The following IFT74 variants were observed in gnomAD, a reference collection of about 807,000 sequenced individuals.
The protein encoded by IFT74 is intraflagellar transport 74.
A neutral mutation model predicts 96.7 loss-of-function variants in IFT74; 92 were observed. The ratio of observed to expected loss-of-function variants is 0.95; its 90% CI spans 0.80 to 1.13. The LOEUF (loss-of-function observed/expected upper bound fraction) is 1.13. Among genes scored for constraint, IFT74 ranks in the 50% most tolerant of loss-of-function variants. IFT74 has a pLI of 0.00. For synonymous variants in IFT74, 223 were observed against 213.2 expected, an observed-to-expected ratio of 1.05 and a Z score of -0.40; for missense variants, 811 against 698.2, an observed-to-expected ratio of 1.16 and a Z score of -1.82.
intron 2 of IFT74, among the ~76,000 whole-genome samples, chr9:26,963,904 T>G (rs1397410848): frequency 6.6e-6 from 1 of 152,126 alleles, no homozygotes; most frequent in Non-Finnish European, 1.5e-5. Context: ...GTTCTCCCAT[T>G]TTGTAGGTTG....
chr9:27,055,713 G>A lies in IFT74; in HGVS notation c.1438G>A (p.Asp480Asn), dbSNP rs1427973908. 2 of 1,588,348 alleles carry A rather than the reference G, an allele frequency of 1.3e-6. No individual in the cohort carries two copies. Among genetic ancestry groups the A allele is most frequent in the South Asian group, 1.2e-5 (1 of 85,778 alleles). Residue 480 changes from aspartate to asparagine, a missense_variant, in exon 17 of 20, where the codon GAT becomes AAT. By Grantham distance (23) the Asp-to-Asn change is conservative. Coordinates refer to ENST00000380062, the MANE Select transcript of IFT74 (RefSeq NM_025103.4). ...AAGCAAAATTAAGCAAATGACAACTGATCTGGAGATATATAATGATTTGCC... is the reference window on the plus strand; with the variant it reads ...AAGCAAAATTAAGCAAATGACAACTAATCTGGAGATATATAATGATTTGCC... The part of the protein sequence containing the change: ...LKSKIKQMTT[D>N]LEIYNDLPAL...
intron 12 of IFT74, among the ~76,000 whole-genome samples, chr9:27,021,438 A>G (rs1327558837): frequency 6.6e-6 from 1 of 152,160 alleles, no homozygotes; most frequent in African/African-American, 2.4e-5. Context: ...GTACTACTTT[A>G]TATTTCCACA....
intron 8 of IFT74, among the ~76,000 whole-genome samples, chr9:27,007,303 T>A (rs1319768902): frequency 6.6e-6 from 1 of 152,214 alleles, no homozygotes; most frequent in East Asian, 1.9e-4. Flanking sequence ...AATGGAATAC[T>A]TTATAACATT....
chr9:26,983,182 C>T (rs182044021), intron 4 of IFT74, among the ~76,000 whole-genome samples: 1 of 152,194 alleles, frequency 6.6e-6, no homozygotes, highest in Non-Finnish European at 1.5e-5. Context: ...GGTTTCCCCC[C>T]ATCTGTTCTC....
chr9:27,026,647 A>G (rs1829872494), intron 12 of IFT74, among the ~76,000 whole-genome samples: 1 of 152,226 alleles, frequency 6.6e-6, no homozygotes, highest in Admixed American at 6.5e-5. Flanking sequence ...GTGGAATAAA[A>G]CTGGAAATCA....
intron 12 of IFT74, among the ~76,000 whole-genome samples, chr9:27,024,006 A>T (rs1366918833): frequency 6.6e-6 from 1 of 152,174 alleles, no homozygotes; most frequent in African/African-American, 2.4e-5. Flanking sequence ...CCCCCATACT[A>T]CTGCAGCTGA....
upstream of IFT74, among the ~76,000 whole-genome samples, chr9:26,952,110 G>A (rs1321184783): frequency 6.6e-6 from 1 of 151,968 alleles, no homozygotes. Flanking sequence ...GTTTTTCTTG[G>A]CTTTTAGTGA....
At chr9:26,973,829 A>G (rs1041019119) in intron 2 of IFT74, among the ~76,000 whole-genome samples, 3 of 152,174 alleles carry the variant, frequency 2.0e-5, no homozygotes, top group African/African-American at 7.2e-5. Flanking sequence ...TGATAAGTTC[A>G]CATTTAGGTC....
At chr9:27,012,613 CT>C (rs1008793251) in intron 10 of IFT74, among the ~76,000 whole-genome samples, 1 of 147,806 alleles carries the variant, frequency 6.8e-6, no homozygotes, top group Non-Finnish European at 1.5e-5. Flanking sequence ...TAAAAACTTA[CT>C]TTTTTTATTC....
intron 16 of IFT74, among the ~76,000 whole-genome samples, chr9:27,049,220 A>C (rs1214588143): frequency 6.6e-6 from 1 of 152,188 alleles, no homozygotes; most frequent in Non-Finnish European, 1.5e-5. Flanking sequence ...TTATTTTTTA[A>C]AAATAAATTA....
At chr9:27,026,341 A>G (rs767072328) in intron 12 of IFT74, among the ~76,000 whole-genome samples, 6 of 152,194 alleles carry the variant, frequency 3.9e-5, no homozygotes, top group Non-Finnish European at 5.9e-5. Context: ...AACAATTACC[A>G]CTAGACCTAA....
intron 1 of IFT74, among the ~76,000 whole-genome samples, chr9:26,957,209 T>G (rs1826151282): frequency 6.6e-6 from 1 of 152,216 alleles, no homozygotes; most frequent in African/African-American, 2.4e-5. Context: ...GCCCGCCTCT[T>G]AATCCCACTG....
At chr9:26,992,608 A>T (rs1827936722) in intron 8 of IFT74, among the ~76,000 whole-genome samples, 1 of 151,888 alleles carries the variant, frequency 6.6e-6, no homozygotes, top group Non-Finnish European at 1.5e-5. Flanking sequence ...CACGCGAATC[A>T]CTTGAACCCA....
intron 19 of IFT74, among the ~76,000 whole-genome samples, chr9:27,062,001 C>T (rs908331623): frequency 6.6e-6 from 1 of 152,192 alleles, no homozygotes; most frequent in Non-Finnish European, 1.5e-5. Flanking sequence ...TCAAGGATGT[C>T]TCTGCCTGGA....
chr9:27,044,764 G>A lies in IFT74; in HGVS notation c.1077G>A (p.Lys359=). 1 of 1,568,414 alleles carries A rather than the reference G, an allele frequency of 6.4e-7. No individual in the cohort carries two copies. Among genetic ancestry groups the A allele is most frequent in the Non-Finnish European group, 8.7e-7 (1 of 1,148,004 alleles). The change falls in exon 14 of 20, where the codon AAG becomes AAA. Residue 359 remains lysine (K), a synonymous_variant. Transcript: ENST00000380062. ...TAGGTGAAATGAACCAGAAATACAA[G>A]GAGCTAAAGAAAAGGGAGGAACATA... is the stretch of plus-strand genomic sequence containing the variant. The part of the protein sequence containing the change: ...EHQGEMNQKY[K]ELKKREEHMD...
intron 12 of IFT74, among the ~76,000 whole-genome samples, chr9:27,025,443 CAA>C (rs57335230): frequency 0.023 from 1,789 of 77,664 alleles, 45 homozygotes; most frequent in Admixed American, 0.13. Flanking sequence ...ACTCCATCTC[CAA>C]AAAAAAAAAA....
At chr9:26,968,728 T>C (rs1826746684) in intron 2 of IFT74, among the ~76,000 whole-genome samples, 1 of 152,222 alleles carries the variant, frequency 6.6e-6, no homozygotes, top group Non-Finnish European at 1.5e-5. Context: ...CCTCTAATGA[T>C]CCTTTGAGTT....
In IFT74 at chr9:26,978,307, T is replaced by C. The variant is rs368758919; in HGVS notation, c.256+44T>C. On this transcript the variant is annotated intron_variant, in intron 3 of 19. Transcript: ENST00000380062. ...GTATGACACTTGGGCCTGTGTTTTG[T>C]AAGAAATAAATAACTGTGAACAATT... 85 of 1,587,084 alleles carry C rather than the reference T, an allele frequency of 5.4e-5. No individual in the cohort carries two copies. The African/African-American group carries it at 1.1e-3, about 20-fold the overall frequency.
intron 1 of IFT74, among the ~76,000 whole-genome samples, chr9:26,961,702 T>C (rs776620757): frequency 8.6e-5 from 13 of 151,842 alleles, no homozygotes; most frequent in Non-Finnish European, 1.5e-5. Flanking sequence ...ACTAAAGAAA[T>C]AGATAATAGA....
Sources: gnomAD v4.1 joint callset for allele counts (sites outside exome capture counted in the v4.1 genomes callset) on GRCh38, gnomAD v4.1.1 for gene constraint, MANE v1.5 for transcripts, NCBI Gene and HGNC (gene_info 2026-07-23, HGNC 2026-07-21) for gene names.